Variants in WDR41 observed in about 807,000 individuals in gnomAD.
The protein encoded by WDR41 is WD repeat domain 41.
A neutral mutation model predicts 69.3 loss-of-function variants in WDR41; 63 were observed. That is an observed-to-expected ratio of 0.91 (90% CI 0.74 to 1.12). The LOEUF is 1.12. WDR41 is among the 50% of genes most tolerant of loss of function. The probability of loss-of-function intolerance (pLI) is 0.00; values close to 1 mark genes in which losing one functional copy is unlikely to be tolerated. For missense variants in WDR41, 543 were observed against 534.5 expected, an observed-to-expected ratio of 1.02 and a Z score of -0.16; for synonymous variants, 185 against 192.1, an observed-to-expected ratio of 0.96 and a Z score of 0.31.
At chr5:77,479,452 A>G (rs1196011858) in intron 2 of WDR41, among the ~76,000 whole-genome samples, 3 of 152,154 alleles carry the variant, frequency 2.0e-5, no homozygotes, top group South Asian at 2.1e-4. Flanking sequence ...CCAAAACAGC[A>G]TGGTACTGGT....
intron 1 of WDR41, among the ~76,000 whole-genome samples, chr5:77,513,215 G>T (rs1802236040): frequency 6.6e-6 from 1 of 151,998 alleles, no homozygotes; most frequent in Non-Finnish European, 1.5e-5. Context: ...ATGAAATTTT[G>T]TAAAGATTCC....
chr5:77,460,765 T>A (rs1282529502), intron 4 of WDR41, among the ~76,000 whole-genome samples: 2 of 152,162 alleles, frequency 1.3e-5, no homozygotes, highest in Non-Finnish European at 2.9e-5. Flanking sequence ...TTAAACAAAA[T>A]TTTGACTGCA....
chr5:77,496,731 T>C (rs1005248638), upstream of WDR41, among the ~76,000 whole-genome samples: 1 of 152,080 alleles, frequency 6.6e-6, no homozygotes, highest in African/African-American at 2.4e-5. Context: ...AAAATTTCAA[T>C]AATCTTGTTC....
chr5:77,446,066 C>A (rs1799369946), intron 8 of WDR41, among the ~76,000 whole-genome samples: 1 of 152,156 alleles, frequency 6.6e-6, no homozygotes, highest in Non-Finnish European at 1.5e-5. Flanking sequence ...TGATAAGCAA[C>A]TTCAATAAAG....
At chr5:77,532,892 C>T (rs1474712616) in intron 1 of WDR41, among the ~76,000 whole-genome samples, 1 of 151,938 alleles carries the variant, frequency 6.6e-6, no homozygotes, top group East Asian at 1.9e-4. Flanking sequence ...GGGAAACGGG[C>T]CTTTCATGTG....
chr5:77,496,992 G>A (rs1035411637), upstream of WDR41, among the ~76,000 whole-genome samples: 1 of 152,098 alleles, frequency 6.6e-6, no homozygotes, highest in East Asian at 1.9e-4. Flanking sequence ...ACCATCCAAT[G>A]GGGAAAGGAC....
At chr5:77,471,454 C>T (rs1008406459) in intron 2 of WDR41, among the ~76,000 whole-genome samples, 3 of 152,076 alleles carry the variant, frequency 2.0e-5, no homozygotes, top group East Asian at 1.9e-4. Context: ...AATAGAGACA[C>T]AAAAAACCCT....
At chr5:77,585,073 A>G (rs760611925) in intron 1 of WDR41, among the ~76,000 whole-genome samples, 2 of 152,104 alleles carry the variant, frequency 1.3e-5, no homozygotes, top group Admixed American at 1.3e-4. Flanking sequence ...CAATCTATAC[A>G]TCTGACAAAG....
At chr5:77,478,309 T>C (rs1288845961) in intron 2 of WDR41, among the ~76,000 whole-genome samples, 1 of 152,158 alleles carries the variant, frequency 6.6e-6, no homozygotes, top group East Asian at 1.9e-4. Context: ...GAGGGAATCC[T>C]CCCTAACTCA....
intron 1 of WDR41, among the ~76,000 whole-genome samples, chr5:77,526,847 A>G (rs536903175): frequency 5.8e-4 from 89 of 152,252 alleles, no homozygotes; most frequent in Non-Finnish European, 1.0e-3. Flanking sequence ...TGCTCCATCA[A>G]TGCTAACGTG....
intron 1 of WDR41, among the ~76,000 whole-genome samples, chr5:77,498,912 A>C (rs768427530): frequency 2.0e-5 from 3 of 152,132 alleles, no homozygotes; most frequent in Non-Finnish European, 4.4e-5. Context: ...AAAAGAAAAA[A>C]TTGATAAATT....
chr5:77,607,918 C>G (rs1744456434), intron 1 of WDR41, among the ~76,000 whole-genome samples: 1 of 152,034 alleles, frequency 6.6e-6, no homozygotes, highest in African/African-American at 2.4e-5. Flanking sequence ...AGGCTTTTGC[C>G]CACATGAAAC....
intron 1 of WDR41, among the ~76,000 whole-genome samples, chr5:77,540,723 TAGGGAGGG>T (rs137909780): frequency 6.4e-5 from 5 of 78,372 alleles, no homozygotes; most frequent in Admixed American, 4.9e-4. Flanking sequence ...GAAAAGAATG[TAGGGAGGG>T]AGGGAGGGAG....
chr5:77,530,972 G>A (rs1802520002), intron 1 of WDR41, among the ~76,000 whole-genome samples: 1 of 151,588 alleles, frequency 6.6e-6, no homozygotes, highest in Non-Finnish European at 1.5e-5. Context: ...AAATGAACTT[G>A]CACCCTTACC....
chr5:77,516,463 G>C (rs1802292880), intron 1 of WDR41, among the ~76,000 whole-genome samples: 1 of 152,192 alleles, frequency 6.6e-6, no homozygotes, highest in Non-Finnish European at 1.5e-5. Context: ...GTTGAGAATA[G>C]ATTTAGCTGC....
At chr5:77,502,993 T>A (rs1802043541) in intron 1 of WDR41, among the ~76,000 whole-genome samples, 3 of 152,062 alleles carry the variant, frequency 2.0e-5, no homozygotes, top group African/African-American at 7.2e-5. Context: ...ATCATAATGA[T>A]GGATCATATT....
intron 1 of WDR41, chr5:77,582,782 T>C: frequency 1.3e-6 from 2 of 1,599,926 alleles, no homozygotes; most frequent in Non-Finnish European, 1.7e-6. Flanking sequence ...CTGAGGATTG[T>C]AGAGCCATAT....
intron 1 of WDR41, among the ~76,000 whole-genome samples, chr5:77,561,741 C>T (rs186731280): frequency 1.3e-5 from 2 of 152,078 alleles, no homozygotes; most frequent in Non-Finnish European, 2.9e-5. Context: ...CAATGACATA[C>T]TTTTCAAAGC....
intron 1 of WDR41, among the ~76,000 whole-genome samples, chr5:77,509,740 G>A (rs1012779936): frequency 2.6e-5 from 4 of 152,144 alleles, no homozygotes; most frequent in African/African-American, 9.7e-5. Context: ...TCTTCTTGAG[G>A]TGACGAAAAC....
Sources: gnomAD v4.1 joint callset for allele counts (sites outside exome capture counted in the v4.1 genomes callset) on GRCh38, gnomAD v4.1.1 for gene constraint, MANE v1.5 for transcripts, NCBI Gene and HGNC (gene_info 2026-07-23, HGNC 2026-07-21) for gene names.